Variants in CLEC4A observed in about 807,000 individuals in gnomAD.
CLEC4A encodes C-type (calcium dependent, carbohydrate-recognition domain) lectin, superfamily member 6.
In CLEC4A, 27 loss-of-function variants were observed where a neutral mutation model predicts 32.7. The ratio of observed to expected loss-of-function variants is 0.83; its 90% CI spans 0.61 to 1.14. The LOEUF (loss-of-function observed/expected upper bound fraction) is 1.14. Among genes scored for constraint, CLEC4A ranks in the 50% most tolerant of loss-of-function variants. The pLI, the probability that CLEC4A is intolerant of heterozygous loss-of-function variation, is 0.00. For missense variants in CLEC4A, 253 were observed against 274.6 expected, an observed-to-expected ratio of 0.92 and a Z score of 0.55; for synonymous variants, 89 against 93.7, an observed-to-expected ratio of 0.95 and a Z score of 0.29.
In CLEC4A at chr12:8,133,838, A is replaced by G. The variant is rs1948042432; in HGVS notation, c.299-1747A>G. On this transcript the variant is annotated intron_variant, in intron 3 of 5. Coordinates refer to ENST00000229332, the MANE Select transcript of CLEC4A (RefSeq NM_016184.4). ...AGGGGGAAAGGCTTCCCCCTCAGGG[A>G]AAGGGACCGAGGAGTACAGTGCAGT... 6 of 1,584,846 alleles carry G rather than the reference A, an allele frequency of 3.8e-6. No individual in the cohort carries two copies. In the East Asian group the frequency reaches 1.1e-4, roughly 30 times the overall value.
intron 4 of CLEC4A, among the ~76,000 whole-genome samples, chr12:8,136,357 G>T (rs1357474276): frequency 6.6e-6 from 1 of 152,124 alleles, no homozygotes; most frequent in African/African-American, 2.4e-5. Flanking sequence ...TTGAGGCCGG[G>T]AGTTCAAGAC....
chr12:8,134,580 T>A, intron 3 of CLEC4A: 1 of 1,613,344 alleles, frequency 6.2e-7, no homozygotes, highest in South Asian at 1.1e-5. Flanking sequence ...CTGAGAGGTC[T>A]CCAAGCCGTC....
chr12:8,108,043 TAAC>T, the CLEC4A span, among the ~76,000 whole-genome samples: 1 of 152,164 alleles, frequency 6.6e-6, no homozygotes, highest in Admixed American at 6.6e-5. Flanking sequence ...ATTTCCCTCT[TAAC>T]AACTGCTTTA....
the CLEC4A span, among the ~76,000 whole-genome samples, chr12:8,117,558 T>A: frequency 3.9e-5 from 6 of 152,194 alleles, no homozygotes; most frequent in African/African-American, 1.2e-4. Flanking sequence ...TCTTAAAGGC[T>A]TGTCTCCAAT....
At chr12:8,114,372 G>C in the CLEC4A span, among the ~76,000 whole-genome samples, 1 of 151,962 alleles carries the variant, frequency 6.6e-6, no homozygotes, top group Non-Finnish European at 1.5e-5. Flanking sequence ...AGCCTCCCGA[G>C]TAGCTGGGAC....
chr12:8,114,322 G>A, the CLEC4A span, among the ~76,000 whole-genome samples: 1 of 151,946 alleles, frequency 6.6e-6, no homozygotes, highest in African/African-American at 2.4e-5. Flanking sequence ...TCGGCTCACT[G>A]CAAGCTCTGC....
intron 1 of CLEC4A, 36 bp downstream of exon 1, chr12:8,123,996 G>A (rs776283379): frequency 2.3e-6 from 3 of 1,328,994 alleles, no homozygotes; most frequent in East Asian, 2.3e-5. Context: ...AGTGAATGAC[G>A]AGGTGAAGGA....
chr12:8,134,837 C>CAGGT (rs1948067304), intron 3 of CLEC4A: 1 of 1,545,280 alleles, frequency 6.5e-7, no homozygotes, highest in African/African-American at 1.4e-5. Flanking sequence ...AATCCGAAGC[C>CAGGT]AGGTGTCCCG....
chr12:8,133,597 T>C (rs902968347), intron 3 of CLEC4A, among the ~76,000 whole-genome samples: 2 of 152,028 alleles, frequency 1.3e-5, no homozygotes, highest in African/African-American at 4.8e-5. Context: ...ATCATTGAAC[T>C]TCACCTTCCC....
rs1266824678 is a variant in CLEC4A at position 8,125,501 on chromosome 12, A to T, written c.83-60A>T. 6.9e-6 allele frequency: 6 copies of T among 873,830 alleles called. No homozygotes were observed. In the Admixed American group the frequency reaches 1.1e-4, roughly 16 times the overall value. The allele number at this position is 873,830 out of a possible 1,614,324, so 54.1% of individuals were successfully genotyped here. ...GAAAAGAGAGAGAAAGAGGAGGAGG[A>T]AGAAGAGGAAGTAAAGACCAAACTT... On this transcript the variant is annotated intron_variant, in intron 1 of 5. Transcript: ENST00000229332.
chr12:8,105,540 C>T, the CLEC4A span, among the ~76,000 whole-genome samples: 52 of 151,896 alleles, frequency 3.4e-4, no homozygotes, highest in African/African-American at 9.2e-4. Flanking sequence ...TTAGTAGAGA[C>T]GGGGTTTCAC....
chr12:8,117,089 A>T, the CLEC4A span, among the ~76,000 whole-genome samples: 12 of 152,152 alleles, frequency 7.9e-5, no homozygotes, highest in African/African-American at 1.4e-4. Flanking sequence ...TAGAAATTCT[A>T]GTTTTCAGTT....
chr12:8,133,846 C>T, intron 3 of CLEC4A: 1 of 1,583,508 alleles, frequency 6.3e-7, no homozygotes, highest in Non-Finnish European at 8.6e-7. Context: ...GGAAAGGGAC[C>T]GAGGAGTACA....
intron 1 of CLEC4A, among the ~76,000 whole-genome samples, chr12:8,124,656 G>A (rs1947872223): frequency 6.6e-6 from 1 of 152,140 alleles, no homozygotes; most frequent in African/African-American, 2.4e-5. Flanking sequence ...GAAACTATGG[G>A]GGAAGGGGTC....
chr12:8,107,047 C>A, the CLEC4A span, among the ~76,000 whole-genome samples: 13 of 152,092 alleles, frequency 8.5e-5, no homozygotes, highest in Non-Finnish European at 1.5e-4. Flanking sequence ...TGGTATATTC[C>A]TTCAATGCCT....
rs773821431 is a variant in CLEC4A, at chr12:8,135,833, G to A, written c.450+97G>A. Reference sequence around the variant, plus strand: ...GTTTTTGTTACTTTGGGATATTTGCGCTGTGGCAGAAGGCTTTCAATAAAA... The same window carrying A: ...GTTTTTGTTACTTTGGGATATTTGCACTGTGGCAGAAGGCTTTCAATAAAA... On this transcript the variant is annotated intron_variant, in intron 4 of 5. Coordinates refer to ENST00000229332, the MANE Select transcript of CLEC4A (RefSeq NM_016184.4). 1.2e-4 allele frequency: 160 copies of A among 1,289,588 alleles called. 1 individual carries two copies. The highest frequency in any genetic ancestry group is 6.0e-4 in the Middle Eastern group (3 of 4,994). The allele number at this position is 1,289,588 out of a possible 1,614,324, so 79.9% of individuals were successfully genotyped here. A position where few individuals can be genotyped will look rare whatever the true frequency, so the allele number is the denominator to read the frequency against.
At chr12:8,114,480 G>A in the CLEC4A span, among the ~76,000 whole-genome samples, 5 of 152,162 alleles carry the variant, frequency 3.3e-5, no homozygotes, top group South Asian at 8.3e-4. Flanking sequence ...TCCTGACCTC[G>A]TGATCCACCC....
the CLEC4A span, among the ~76,000 whole-genome samples, chr12:8,112,588 T>A: frequency 3.3e-5 from 5 of 152,316 alleles, no homozygotes; most frequent in African/African-American, 1.2e-4. Context: ...CTATCTTTTT[T>A]TTTCATGTGT....
At chr12:8,103,896 G>A in the CLEC4A span, among the ~76,000 whole-genome samples, 1 of 152,160 alleles carries the variant, frequency 6.6e-6, no homozygotes, top group South Asian at 2.1e-4. Context: ...GAGTGTTGCT[G>A]TTGAAATTCT....
Sources: gnomAD v4.1 joint callset for allele counts (sites outside exome capture counted in the v4.1 genomes callset) on GRCh38, gnomAD v4.1.1 for gene constraint, MANE v1.5 for transcripts, NCBI Gene and HGNC (gene_info 2026-07-23, HGNC 2026-07-21) for gene names.